The following BBIP1 variants were observed in gnomAD, a reference collection of about 807,000 sequenced individuals.
BBIP1 encodes BBSome interacting protein 1, also known as BBSome-interacting protein 1.
BBIP1 carries 6 observed loss-of-function variants against 8.9 expected under a neutral mutation model. The ratio of observed to expected loss-of-function variants is 0.67; its 90% CI spans 0.37 to 1.33. The LOEUF (loss-of-function observed/expected upper bound fraction) is 1.33. Ranked by LOEUF, BBIP1 falls within the 40% of genes most tolerant of loss-of-function variation. The probability of loss-of-function intolerance (pLI) is 0.02; values close to 1 mark genes in which losing one functional copy is unlikely to be tolerated. For missense variants in BBIP1, 111 were observed against 109.2 expected (o/e 1.02, Z -0.07); for synonymous variants, 32 against 33.4 (o/e 0.96, Z 0.14).
intron 3 of BBIP1, chr10:110,900,821 G>T (rs1845978331): frequency 6.6e-6 from 2 of 302,494 alleles, no homozygotes; most frequent in South Asian, 9.9e-5. Context: ...AGATTTGGCA[G>T]AATATATATA....
At chr10:110,919,044 G>A (rs1846533113) in intron 1 of BBIP1, 77 bp downstream of exon 1, 1 of 152,378 alleles carries the variant, frequency 6.6e-6, no homozygotes, top group South Asian at 2.1e-4. Context: ...GAAACTGGAC[G>A]TGTAATCCGG....
At chr10:110,909,429 C>T (rs962999253) in intron 2 of BBIP1, among the ~76,000 whole-genome samples, 14 of 152,228 alleles carry the variant, frequency 9.2e-5, no homozygotes, top group South Asian at 2.1e-4. Flanking sequence ...CTCCTGACCT[C>T]GTGATCCACC....
At chr10:110,902,043 T>C in intron 2 of BBIP1, 1 of 161,970 alleles carries the variant, frequency 6.2e-6, no homozygotes, top group South Asian at 1.7e-4. Context: ...AAGTAGGAAC[T>C]GGCAGGCTAA....
chr10:110,901,171 G>A (rs1393791374), intron 3 of BBIP1: 1 of 443,740 alleles, frequency 2.3e-6, no homozygotes, highest in Admixed American at 2.5e-5. Context: ...CATGCCTGTA[G>A]TACTAGCAAA....
At chr10:110,908,406 C>G (rs1846195102) in intron 2 of BBIP1, among the ~76,000 whole-genome samples, 1 of 152,112 alleles carries the variant, frequency 6.6e-6, no homozygotes, top group African/African-American at 2.4e-5. Context: ...ACTTATGGGC[C>G]TTATTTCTAC....
At chr10:110,918,282 C>T (rs1846480253) in intron 1 of BBIP1, 69 bp from the exon 2 acceptor site, 2 of 790,336 alleles carry the variant, frequency 2.5e-6, no homozygotes, top group Non-Finnish European at 4.0e-6. Context: ...CAAAAATCTT[C>T]AACACGTTGT....
chr10:110,904,139 G>A (rs1441658353), intron 2 of BBIP1: 2 of 152,210 alleles, frequency 1.3e-5, no homozygotes, highest in African/African-American at 2.4e-5. Flanking sequence ...CTTGTCAGGT[G>A]AGATGTATTT....
intron 2 of BBIP1, among the ~76,000 whole-genome samples, chr10:110,905,128 A>G (rs189191349): frequency 6.6e-6 from 1 of 152,358 alleles, no homozygotes; most frequent in East Asian, 1.9e-4. Context: ...TGGATGTCTA[A>G]AATTAATGCT....
At chr10:110,915,449 C>T (rs926319421) in intron 2 of BBIP1, among the ~76,000 whole-genome samples, 4 of 152,052 alleles carry the variant, frequency 2.6e-5, no homozygotes, top group African/African-American at 7.2e-5. Flanking sequence ...CCACAGCAGC[C>T]GGACCCTAAC....
intron 2 of BBIP1, among the ~76,000 whole-genome samples, chr10:110,909,589 C>T (rs901750513): frequency 1.3e-5 from 2 of 152,192 alleles, no homozygotes; most frequent in African/African-American, 4.8e-5. Context: ...CAGAATCCTT[C>T]GCTAAGATCT....
Position 110,900,225 on chromosome 10 carries a change from G to T in BBIP1, c.*135C>A. The T allele has an allele frequency of 1.2e-6, 1 of 858,292 alleles. No individual in the cohort carries two copies. Among genetic ancestry groups the T allele is most frequent in the Non-Finnish European group, 1.7e-6 (1 of 595,724 alleles). 53.2% of individuals were successfully genotyped at this position (858,292 alleles called of 1,614,324 possible). ...CACAATACAAATTTCATCAATCTTG[G>T]ATATTTTTGTATTTCTATGAATACT... On this transcript the variant is annotated 3_prime_UTR_variant, in exon 4 of 4. Coordinates refer to ENST00000448814, the MANE Select transcript of BBIP1 (RefSeq NM_001195305.3).
At chr10:110,918,812 G>C (rs1441713178) in intron 1 of BBIP1, 2 of 152,514 alleles carry the variant, frequency 1.3e-5, no homozygotes, top group African/African-American at 4.8e-5. Flanking sequence ...TCCGGCCCGG[G>C]TCCGGCCCAC....
At chr10:110,918,819 C>T (rs1846519467) in intron 1 of BBIP1, 1 of 152,412 alleles carries the variant, frequency 6.6e-6, no homozygotes, top group South Asian at 2.1e-4. Flanking sequence ...CGGGTCCGGC[C>T]CACTGGTTGG....
intron 2 of BBIP1, among the ~76,000 whole-genome samples, chr10:110,914,096 C>G (rs1846337249): frequency 6.6e-6 from 1 of 152,118 alleles, no homozygotes; most frequent in Non-Finnish European, 1.5e-5. Flanking sequence ...CCTTACTTGC[C>G]CATCCATTGT....
At chr10:110,901,919 G>A (rs1187641934) in intron 2 of BBIP1, 1 of 307,218 alleles carries the variant, frequency 3.3e-6, no homozygotes, top group African/African-American at 2.1e-5. Context: ...ATCATCTGAG[G>A]AAAAGGTATT....
Position 110,898,947 on chromosome 10 carries a change from T to C in BBIP1, c.*1413A>G, listed in dbSNP as rs1232087130. 1 of 152,194 alleles carries C rather than the reference T, an allele frequency of 6.6e-6. No homozygotes were observed. Among genetic ancestry groups the C allele is most frequent in the African/African-American group, 2.4e-5 (1 of 41,418 alleles). The allele number at this position is 152,194 out of a possible 1,614,324, so 9.4% of individuals were successfully genotyped here. ...GGGGAAAAAAATGCAGGTATCACTT[T>C]ACTCCATTGTTATCTGACCTAGAGC... On this transcript the variant is annotated 3_prime_UTR_variant, in exon 4 of 4. Coordinates refer to ENST00000448814, the MANE Select transcript of BBIP1 (RefSeq NM_001195305.3).
rs1344463009 is a variant in BBIP1, at chr10:110,899,130, G to A, written c.*1230C>T. ...GAAAATATTACCAATTAACAATAAAGAATGATCATATTTTTAACCTCTTTT... is the reference window on the plus strand; with the variant it reads ...GAAAATATTACCAATTAACAATAAAAAATGATCATATTTTTAACCTCTTTT... On this transcript the variant is annotated 3_prime_UTR_variant, in exon 4 of 4. Coordinates refer to ENST00000448814, the MANE Select transcript of BBIP1 (RefSeq NM_001195305.3). 1.3e-5 allele frequency: 2 copies of A among 152,076 alleles called. No individual in the cohort carries two copies. Among genetic ancestry groups the A allele is most frequent in the African/African-American group, 4.8e-5 (2 of 41,410 alleles). The allele number at this position is 152,076 out of a possible 1,614,324, so 9.4% of individuals were successfully genotyped here.
At chr10:110,906,839 CG>C (rs1432611943) in intron 2 of BBIP1, 12 of 152,266 alleles carry the variant, frequency 7.9e-5, no homozygotes, top group Non-Finnish European at 1.8e-4. Flanking sequence ...GGATTACAGG[CG>C]TGAGCCACTG....
intron 2 of BBIP1, among the ~76,000 whole-genome samples, chr10:110,915,139 G>A (rs1356008615): frequency 2.0e-5 from 3 of 152,104 alleles, no homozygotes; most frequent in Non-Finnish European, 2.9e-5. Context: ...AATCAGAATT[G>A]CTGAATCAGA....
Sources: allele counts gnomAD v4.1 joint callset (sites outside exome capture counted in the v4.1 genomes callset), GRCh38; gene constraint gnomAD v4.1.1; transcripts MANE v1.5; gene names NCBI Gene and HGNC (gene_info 2026-07-23, HGNC 2026-07-21).